AKAP7: variants seen among roughly 807,000 people sequenced by gnomAD.
AKAP7 encodes the protein A-kinase anchoring protein 7.
In AKAP7, 39 loss-of-function variants were observed where a neutral mutation model predicts 39.5. That is an observed-to-expected ratio of 0.99 (90% CI 0.76 to 1.29). The LOEUF is 1.29. Ranked by LOEUF, AKAP7 falls within the 50% of genes most tolerant of loss-of-function variation. The pLI, the probability that AKAP7 is intolerant of heterozygous loss-of-function variation, is 0.00. For synonymous variants in AKAP7, 140 were observed against 139.1 expected, an observed-to-expected ratio of 1.01 and a Z score of -0.05; for missense variants, 414 against 407.7, an observed-to-expected ratio of 1.02 and a Z score of -0.13.
intron 7 of AKAP7, among the ~76,000 whole-genome samples, chr6:131,260,786 T>C (rs1813249987): frequency 6.6e-6 from 1 of 152,208 alleles, no homozygotes; most frequent in Non-Finnish European, 1.5e-5. Flanking sequence ...TCTTTTGCTG[T>C]GCAGAAGCTT....
At chr6:131,171,301 A>G (rs533569944) in intron 5 of AKAP7, among the ~76,000 whole-genome samples, 2 of 152,346 alleles carry the variant, frequency 1.3e-5, no homozygotes, top group South Asian at 2.1e-4. Context: ...TAGCAGGCAC[A>G]TAGGAAGGAG....
chr6:131,264,212 G>A (rs1019556190), intron 7 of AKAP7, among the ~76,000 whole-genome samples: 1 of 152,168 alleles, frequency 6.6e-6, no homozygotes, highest in South Asian at 2.1e-4. Flanking sequence ...TGATTGCGAC[G>A]TTTACCACAT....
rs752361676 is a variant in AKAP7 at position 131,282,384 on chromosome 6, A to AT, written c.*667dup. 209 of 1,439,298 alleles carry AT rather than the reference A, an allele frequency of 1.5e-4. No homozygotes were observed. Among genetic ancestry groups the AT allele is most frequent in the South Asian group, 5.5e-4 (37 of 66,844 alleles). The allele number at this position is 1,439,298 out of a possible 1,614,324, so 89.2% of individuals were successfully genotyped here. On this transcript the variant is annotated 3_prime_UTR_variant, in exon 8 of 8. Coordinates refer to ENST00000431975, the MANE Select transcript of AKAP7 (RefSeq NM_016377.4). Reference sequence around the variant, plus strand: ...ATATTTAATGAAATGTTATTATATAATTTTTTTTTCTTAGGCAAGAAACCT... The same window carrying AT: ...ATATTTAATGAAATGTTATTATATAATTTTTTTTTTCTTAGGCAAGAAACCT...
intron 5 of AKAP7, chr6:131,185,480 G>C (rs1222800267): frequency 5.9e-6 from 2 of 341,212 alleles, no homozygotes; most frequent in Non-Finnish European, 1.1e-5. Context: ...ACCACCACAG[G>C]TGCCATTTTC....
At chr6:131,271,774 G>A (rs1814304587) in intron 7 of AKAP7, among the ~76,000 whole-genome samples, 1 of 152,096 alleles carries the variant, frequency 6.6e-6, no homozygotes, top group Non-Finnish European at 1.5e-5. Flanking sequence ...CCATTCGTAG[G>A]GAGTCTGTTT....
At chr6:131,194,001 C>T (rs973524071) in intron 5 of AKAP7, among the ~76,000 whole-genome samples, 3 of 151,868 alleles carry the variant, frequency 2.0e-5, no homozygotes, top group African/African-American at 7.2e-5. Flanking sequence ...AACAGCTTTT[C>T]ATTTTGTTGA....
chr6:131,245,516 G>A (rs965735583), intron 7 of AKAP7, among the ~76,000 whole-genome samples: 1 of 150,520 alleles, frequency 6.6e-6, no homozygotes, highest in Admixed American at 6.6e-5. Flanking sequence ...TACTGGGTAT[G>A]TCCATCCGAT....
chr6:131,142,638 G>A (rs915591399), intron 1 of AKAP7, among the ~76,000 whole-genome samples: 2 of 152,232 alleles, frequency 1.3e-5, no homozygotes, highest in Non-Finnish European at 2.9e-5. Context: ...ATGCTGGGGG[G>A]AAATGTGGGA....
At chr6:131,135,842 C>T (rs9402321) in intron 1 of AKAP7, 60 bp downstream of exon 1, 171,545 of 1,224,564 alleles carry the variant, frequency 0.14, 14,939 homozygotes, top group East Asian at 0.52. Context: ...GGGGCCTGGG[C>T]CTGCTCTGCG....
intron 6 of AKAP7, among the ~76,000 whole-genome samples, 174 bp downstream of exon 6, chr6:131,199,747 A>T (rs1196378152): frequency 6.6e-6 from 1 of 152,100 alleles, no homozygotes; most frequent in African/African-American, 2.4e-5. Flanking sequence ...CCTTCCATGG[A>T]GGCTATTTCA....
chr6:131,224,153 T>C (rs1434578712), intron 7 of AKAP7, among the ~76,000 whole-genome samples: 1 of 152,196 alleles, frequency 6.6e-6, no homozygotes, highest in Non-Finnish European at 1.5e-5. Context: ...TTTAAAATCA[T>C]ATGTGCATCT....
At chr6:131,201,157 G>A (rs746583428) in intron 6 of AKAP7, among the ~76,000 whole-genome samples, 5 of 152,124 alleles carry the variant, frequency 3.3e-5, no homozygotes, top group Admixed American at 6.6e-5. Context: ...CACTGTCTCT[G>A]CACCTGAGAA....
chr6:131,229,792 A>G (rs1810490277), intron 7 of AKAP7, among the ~76,000 whole-genome samples: 1 of 152,176 alleles, frequency 6.6e-6, no homozygotes, highest in South Asian at 2.1e-4. Flanking sequence ...TGCCTTCAAG[A>G]TGCTGAACTT....
At chr6:131,255,340 C>T (rs1476630999) in intron 7 of AKAP7, among the ~76,000 whole-genome samples, 2 of 152,078 alleles carry the variant, frequency 1.3e-5, no homozygotes, top group East Asian at 3.8e-4. Context: ...TGTCAATCAG[C>T]CTATCAGATG....
intron 6 of AKAP7, among the ~76,000 whole-genome samples, chr6:131,217,390 T>C (rs1585111205): frequency 6.6e-6 from 1 of 152,132 alleles, no homozygotes; most frequent in East Asian, 1.9e-4. Context: ...AGAAAAGAAA[T>C]ATATTGCCAA....
intron 2 of AKAP7, among the ~76,000 whole-genome samples, chr6:131,149,605 A>T (rs933576409): frequency 2.0e-5 from 3 of 152,254 alleles, no homozygotes; most frequent in African/African-American, 4.8e-5. Context: ...ACTGCACTCC[A>T]GCCTGGGCAA....
rs761115919 is a variant in AKAP7, at chr6:131,282,049, A to C, written c.*323A>C. The C allele has an allele frequency of 1.1e-5, 12 of 1,139,028 alleles. No homozygotes were observed. In the African/African-American group the frequency reaches 1.8e-4, roughly 17 times the overall value. 70.6% of individuals were successfully genotyped at this position (1,139,028 alleles called of 1,614,324 possible). On this transcript the variant is annotated 3_prime_UTR_variant, in exon 8 of 8. Coordinates refer to ENST00000431975, the MANE Select transcript of AKAP7 (RefSeq NM_016377.4). ...TAAAGGCCGAGAAAGAGGCCTTGCCATCAATGGAATACTGCCATTTATATT... is the reference window on the plus strand; with the variant it reads ...TAAAGGCCGAGAAAGAGGCCTTGCCCTCAATGGAATACTGCCATTTATATT...
chr6:131,126,783 G>A, the AKAP7 span, among the ~76,000 whole-genome samples: 9 of 152,280 alleles, frequency 5.9e-5, no homozygotes, highest in African/African-American at 2.2e-4. Flanking sequence ...CCCTGCTCAT[G>A]GTGTGGTTAC....
intron 1 of AKAP7, among the ~76,000 whole-genome samples, chr6:131,142,215 A>G (rs746449778): frequency 6.6e-5 from 10 of 152,198 alleles, no homozygotes; most frequent in Non-Finnish European, 7.4e-5. Context: ...AATGGAGGCA[A>G]TTCCTAATAG....
Sources: gnomAD v4.1 joint callset for allele counts (sites outside exome capture counted in the v4.1 genomes callset) on GRCh38, gnomAD v4.1.1 for gene constraint, MANE v1.5 for transcripts, NCBI Gene and HGNC (gene_info 2026-07-23, HGNC 2026-07-21) for gene names.